ERBB4: variants seen among roughly 807,000 people sequenced by gnomAD.
ERBB4 encodes erb-b2 receptor tyrosine kinase 4, also known as receptor tyrosine-protein kinase erbB-4.
Under a neutral mutation model 158.0 loss-of-function variants are expected in ERBB4, and 42 were observed. The ratio of observed to expected loss-of-function variants is 0.27; its 90% CI spans 0.21 to 0.34. The LOEUF (loss-of-function observed/expected upper bound fraction) is 0.34, where lower values mean the gene tolerates loss of function less well. Among genes scored for constraint, ERBB4 ranks in the 10% least tolerant of loss-of-function variants. The probability of loss-of-function intolerance (pLI) is 1.00; values close to 1 mark genes in which losing one functional copy is unlikely to be tolerated. For synonymous variants in ERBB4, 583 were observed against 558.7 expected, an observed-to-expected ratio of 1.04 and a Z score of -0.61; for missense variants, 1,333 against 1,624.1, an observed-to-expected ratio of 0.82 and a Z score of 3.08.
chr2:211,900,095 G>C (rs772132978), intron 3 of ERBB4, among the ~76,000 whole-genome samples: 1 of 152,090 alleles, frequency 6.6e-6, no homozygotes, highest in Non-Finnish European at 1.5e-5. Context: ...ACAGTAACCC[G>C]AGGCCTCAAC....
chr2:211,947,675 A>T (rs1399024600), intron 2 of ERBB4, 59 bp from the exon 3 acceptor site: 8 of 1,403,244 alleles, frequency 5.7e-6, no homozygotes, highest in Non-Finnish European at 8.0e-6. Flanking sequence ...CTGTATATGT[A>T]GCAATTTAGA....
Position 211,908,068 on chromosome 2 carries a change from C to T in ERBB4, c.421+39362G>A, listed in dbSNP as rs2079445560. Among the ~76,000 whole-genome samples the T allele has an allele frequency of 2.0e-5, 3 of 151,696 alleles. No homozygotes were observed. In the South Asian group the frequency reaches 6.3e-4, roughly 32 times the overall value. ...GAAAAAAAAACATATTTAGGTATCT[C>T]CTTCAAATACAAGGTGAATTACTTT... On this transcript the variant is annotated intron_variant, in intron 3 of 27. Coordinates refer to ENST00000342788, the MANE Select transcript of ERBB4 (RefSeq NM_005235.3).
chr2:212,031,284 A>G (rs1037132140), intron 2 of ERBB4, among the ~76,000 whole-genome samples: 1 of 152,154 alleles, frequency 6.6e-6, no homozygotes, highest in Non-Finnish European at 1.5e-5. Flanking sequence ...AGTCATTCAA[A>G]TGTTTCCAAG....
chr2:211,614,342 T>C (rs192473779), intron 19 of ERBB4, among the ~76,000 whole-genome samples: 5 of 152,108 alleles, frequency 3.3e-5, no homozygotes, highest in Admixed American at 2.6e-4. Flanking sequence ...GAATAAGGCC[T>C]ACTATTTGAT....
At chr2:211,689,136 A>G (rs1441433840) in intron 12 of ERBB4, among the ~76,000 whole-genome samples, 1 of 152,130 alleles carries the variant, frequency 6.6e-6, no homozygotes, top group Non-Finnish European at 1.5e-5. Flanking sequence ...TTTCTTTCTG[A>G]TTTAGTCATA....
At chr2:211,600,156 G>GA (rs1171102410) in intron 19 of ERBB4, among the ~76,000 whole-genome samples, 6 of 152,160 alleles carry the variant, frequency 3.9e-5, no homozygotes, top group Admixed American at 2.0e-4. Flanking sequence ...AACCCAATAG[G>GA]AAAAAACAAA....
chr2:211,514,447 A>G (rs554132194), intron 20 of ERBB4, among the ~76,000 whole-genome samples: 4 of 152,220 alleles, frequency 2.6e-5, no homozygotes, highest in African/African-American at 7.2e-5. Context: ...AATATTGAGC[A>G]CATAACAAGA....
intron 19 of ERBB4, among the ~76,000 whole-genome samples, chr2:211,568,661 A>T (rs1457203936): frequency 4.6e-5 from 7 of 152,306 alleles, no homozygotes; most frequent in East Asian, 1.9e-4. Flanking sequence ...TCATTGCATC[A>T]GAGATAGGGA....
At chr2:211,408,547 C>T (rs1293323264) in intron 25 of ERBB4, among the ~76,000 whole-genome samples, 1 of 152,216 alleles carries the variant, frequency 6.6e-6, no homozygotes, top group Non-Finnish European at 1.5e-5. Flanking sequence ...GCGCCAGACT[C>T]TCCTTAAACA....
intron 4 of ERBB4, among the ~76,000 whole-genome samples, chr2:211,767,085 A>C (rs2075567927): frequency 6.6e-6 from 1 of 151,810 alleles, no homozygotes; most frequent in Admixed American, 6.6e-5. Flanking sequence ...TGTAACCAGC[A>C]CTCTGGAGTC....
intron 3 of ERBB4, among the ~76,000 whole-genome samples, chr2:211,810,954 G>A (rs980193741): frequency 3.9e-5 from 6 of 152,176 alleles, no homozygotes; most frequent in East Asian, 1.9e-4. Context: ...GATTACAGGC[G>A]TGAGCCACCG....
At chr2:212,000,435 G>T (rs1199286827) in intron 2 of ERBB4, among the ~76,000 whole-genome samples, 1 of 151,788 alleles carries the variant, frequency 6.6e-6, no homozygotes, top group East Asian at 1.9e-4. Context: ...TAAGAAAACT[G>T]GTTTGGTGGT....
chr2:212,214,073 C>T (rs983391879), intron 1 of ERBB4, among the ~76,000 whole-genome samples: 2 of 151,830 alleles, frequency 1.3e-5, no homozygotes, highest in Non-Finnish European at 1.5e-5. Flanking sequence ...CTGATCCTTA[C>T]AATTGGTTGC....
intron 19 of ERBB4, among the ~76,000 whole-genome samples, chr2:211,612,432 T>C (rs1043254893): frequency 3.3e-5 from 5 of 151,766 alleles, no homozygotes; most frequent in African/African-American, 9.7e-5. Flanking sequence ...TAATAACTTA[T>C]TAAAATTTCT....
intron 25 of ERBB4, among the ~76,000 whole-genome samples, chr2:211,417,081 C>CAGAT (rs1293172006): frequency 1.3e-5 from 2 of 152,228 alleles, no homozygotes; most frequent in East Asian, 1.9e-4. Flanking sequence ...CCCCATTTTA[C>CAGAT]AGATATAGAG....
At chr2:212,002,583 AC>A (rs1428093618) in intron 2 of ERBB4, among the ~76,000 whole-genome samples, 1 of 152,166 alleles carries the variant, frequency 6.6e-6, no homozygotes, top group Non-Finnish European at 1.5e-5. Context: ...AGGAAAAGCA[AC>A]CCTTATAATA....
chr2:211,389,710 A>G (rs956827242), intron 25 of ERBB4, among the ~76,000 whole-genome samples: 3 of 152,178 alleles, frequency 2.0e-5, no homozygotes, highest in African/African-American at 7.2e-5. Flanking sequence ...TCCAGTTCCA[A>G]TGATAAGTGG....
intron 12 of ERBB4, among the ~76,000 whole-genome samples, chr2:211,684,428 G>A (rs1391457462): frequency 6.6e-6 from 1 of 151,896 alleles, no homozygotes; most frequent in Non-Finnish European, 1.5e-5. Context: ...TCCAGCCTGG[G>A]CAACAAGAGT....
At chr2:212,156,338 G>A (rs1160934700) in intron 1 of ERBB4, among the ~76,000 whole-genome samples, 1 of 151,874 alleles carries the variant, frequency 6.6e-6, no homozygotes, top group Non-Finnish European at 1.5e-5. Flanking sequence ...TCATCAGCAG[G>A]GGAGCTGAAT....
Sources: gnomAD v4.1 joint callset for allele counts (sites outside exome capture counted in the v4.1 genomes callset) on GRCh38, gnomAD v4.1.1 for gene constraint, MANE v1.5 for transcripts, NCBI Gene and HGNC (gene_info 2026-07-23, HGNC 2026-07-21) for gene names.